Variants in PDGFC observed in about 807,000 individuals in gnomAD.
PDGFC encodes the protein platelet-derived growth factor C.
In PDGFC, 12 loss-of-function variants were observed where a neutral mutation model predicts 35.5. The observed-to-expected ratio is 0.34, with a 90% CI of 0.22 to 0.55. PDGFC has a LOEUF of 0.55. Ranked by LOEUF, PDGFC falls within the 20% of genes least tolerant of loss-of-function variation. PDGFC has a pLI of 0.91. For missense variants in PDGFC, 322 were observed against 412.4 expected (o/e 0.78, Z 1.90); for synonymous variants, 159 against 148.8 (o/e 1.07, Z -0.50).
chr4:156,936,387 A>G (rs975866503), intron 1 of PDGFC, among the ~76,000 whole-genome samples: 1 of 152,160 alleles, frequency 6.6e-6, no homozygotes, highest in Non-Finnish European at 1.5e-5. Flanking sequence ...TCCACCTCTC[A>G]ACTCATTCCT....
chr4:156,786,779 T>C (rs1320445340), intron 3 of PDGFC, among the ~76,000 whole-genome samples: 1 of 152,250 alleles, frequency 6.6e-6, no homozygotes, highest in African/African-American at 2.4e-5. Context: ...AATTCACATA[T>C]AAAACTAGGC....
intron 2 of PDGFC, among the ~76,000 whole-genome samples, chr4:156,834,531 G>A (rs763744973): frequency 3.9e-5 from 6 of 152,142 alleles, no homozygotes; most frequent in Non-Finnish European, 5.9e-5. Flanking sequence ...CTGAGATGGA[G>A]AGCTACAGAT....
intron 2 of PDGFC, among the ~76,000 whole-genome samples, chr4:156,824,816 C>T (rs1732397170): frequency 6.6e-6 from 1 of 152,142 alleles, no homozygotes; most frequent in Non-Finnish European, 1.5e-5. Flanking sequence ...GGACCACCTT[C>T]TGTACTCTCC....
At chr4:156,968,540 G>A (rs1011636002) in intron 1 of PDGFC, among the ~76,000 whole-genome samples, 8 of 152,164 alleles carry the variant, frequency 5.3e-5, no homozygotes, top group African/African-American at 1.4e-4. Context: ...TAGTAGTAAC[G>A]GTAATGGTAG....
intron 1 of PDGFC, among the ~76,000 whole-genome samples, chr4:156,955,066 G>A (rs1009836749): frequency 6.6e-6 from 1 of 152,036 alleles, no homozygotes; most frequent in African/African-American, 2.4e-5. Flanking sequence ...AGAGTTTAGA[G>A]AAGAGAGACA....
intron 3 of PDGFC, among the ~76,000 whole-genome samples, chr4:156,789,331 CTT>C (rs1731224390): frequency 6.6e-6 from 1 of 152,188 alleles, no homozygotes; most frequent in South Asian, 2.1e-4. Context: ...CTTGAAAACT[CTT>C]TGCCTCTGAG....
At chr4:156,899,528 A>ATT (rs1730715872) in intron 1 of PDGFC, among the ~76,000 whole-genome samples, 1 of 152,224 alleles carries the variant, frequency 6.6e-6, no homozygotes, top group Non-Finnish European at 1.5e-5. Flanking sequence ...AATAAATTAA[A>ATT]ATTAGCTTGG....
intron 1 of PDGFC, among the ~76,000 whole-genome samples, chr4:156,874,167 C>A (rs1044996350): frequency 6.6e-6 from 1 of 152,144 alleles, no homozygotes; most frequent in Admixed American, 6.5e-5. Context: ...ATCTCTGATA[C>A]GTGACATTAA....
intron 1 of PDGFC, among the ~76,000 whole-genome samples, chr4:156,941,819 T>A (rs962730781): frequency 6.6e-6 from 1 of 152,040 alleles, no homozygotes; most frequent in East Asian, 1.9e-4. Flanking sequence ...TCCTGAGATA[T>A]GTGATCAAAA....
At chr4:156,799,963 C>G (rs949065156) in intron 3 of PDGFC, among the ~76,000 whole-genome samples, 30 of 152,086 alleles carry the variant, frequency 2.0e-4, no homozygotes, top group African/African-American at 7.2e-4. Context: ...ACATCATAAT[C>G]AACAGGAATA....
intron 1 of PDGFC, among the ~76,000 whole-genome samples, chr4:156,942,451 C>T (rs1435477230): frequency 6.6e-6 from 1 of 151,870 alleles, no homozygotes; most frequent in Non-Finnish European, 1.5e-5. Context: ...GAGAAAAACA[C>T]TTCCCATAAA....
intron 1 of PDGFC, among the ~76,000 whole-genome samples, chr4:156,933,911 C>T (rs1004406569): frequency 6.6e-6 from 1 of 152,162 alleles, no homozygotes; most frequent in Non-Finnish European, 1.5e-5. Flanking sequence ...AAGGCCTCCC[C>T]AGCCATGTGG....
intron 1 of PDGFC, among the ~76,000 whole-genome samples, chr4:156,891,258 C>T (rs1056176115): frequency 9.6e-5 from 12 of 125,578 alleles, no homozygotes; most frequent in Non-Finnish European, 1.9e-4. Flanking sequence ...CCAGCCTGGG[C>T]GACAGAGCGA....
intron 1 of PDGFC, among the ~76,000 whole-genome samples, chr4:156,863,448 T>C (rs1292097409): frequency 6.6e-6 from 1 of 152,194 alleles, no homozygotes; most frequent in Admixed American, 6.5e-5. Context: ...TGTAACTTTT[T>C]CTTTGTTTTC....
At chr4:156,846,796 T>C (rs908439074) in intron 2 of PDGFC, among the ~76,000 whole-genome samples, 11 of 151,688 alleles carry the variant, frequency 7.3e-5, no homozygotes, top group African/African-American at 2.4e-4. Context: ...TAAAGATATT[T>C]TCCCTAAGGG....
In PDGFC at chr4:156,897,290, TAC is replaced by T. The variant is rs149168649; in HGVS notation, c.119-46876_119-46875del. ...TGCTTGAATTAACTATATAAATAAA[TAC>T]ACACACACACACACAGGCAGACAGA... On this transcript the variant is annotated intron_variant, in intron 1 of 5. Coordinates refer to ENST00000502773, the MANE Select transcript of PDGFC (RefSeq NM_016205.3). 7.1e-3 allele frequency among the ~76,000 whole-genome samples: 1,053 copies of T among 148,556 alleles called. 8 individuals are homozygous for T. The highest frequency in any genetic ancestry group is 0.013 in the African/African-American group (532 of 40,474).
intron 1 of PDGFC, among the ~76,000 whole-genome samples, chr4:156,954,859 C>T (rs1182698660): frequency 6.6e-6 from 1 of 151,962 alleles, no homozygotes; most frequent in African/African-American, 2.4e-5. Context: ...ACACCAGATG[C>T]CAAGACTGCA....
chr4:156,950,965 C>T (rs542089241), intron 1 of PDGFC, among the ~76,000 whole-genome samples: 4 of 151,896 alleles, frequency 2.6e-5, no homozygotes, highest in South Asian at 2.1e-4. Flanking sequence ...CTGATCTAGG[C>T]GCTATGGATA....
chr4:156,917,771 T>C (rs1731185804), intron 1 of PDGFC, among the ~76,000 whole-genome samples: 4 of 152,218 alleles, frequency 2.6e-5, no homozygotes, highest in Admixed American at 6.5e-5. Flanking sequence ...TTCGCTAATA[T>C]GCGAAGTTTT....
Sources: gnomAD v4.1 joint callset for allele counts (sites outside exome capture counted in the v4.1 genomes callset) on GRCh38, gnomAD v4.1.1 for gene constraint, MANE v1.5 for transcripts, NCBI Gene and HGNC (gene_info 2026-07-23, HGNC 2026-07-21) for gene names.